IMMP1L: variants seen among roughly 807,000 people sequenced by gnomAD.
IMMP1L encodes the protein inner mitochondrial membrane peptidase subunit 1.
A neutral mutation model predicts 21.8 loss-of-function variants in IMMP1L; 24 were observed. That is an observed-to-expected ratio of 1.10 (90% CI 0.80 to 1.55). The LOEUF is 1.55. Ranked by LOEUF, IMMP1L falls within the 40% of genes most tolerant of loss-of-function variation. The pLI is 0.00. For synonymous variants in IMMP1L, 46 were observed against 62.8 expected, an observed-to-expected ratio of 0.73 and a Z score of 1.26; for missense variants, 195 against 200.7, an observed-to-expected ratio of 0.97 and a Z score of 0.17.
At position 31,453,032 on chromosome 11, in the gene IMMP1L, G is replaced by A. The variant is rs556202877; in HGVS notation, c.321+3228C>T. 1.4e-4 allele frequency: 181 copies of A among 1,279,040 alleles called. No individual in the cohort carries two copies. The African/African-American group carries it at 2.3e-3, about 16-fold the overall frequency. 79.2% of individuals were successfully genotyped at this position (1,279,040 alleles called of 1,614,324 possible). ...CTCTCAAAGTGCTGGGATTACAGGC[G>A]TGAGCCACCGCGGCCGGCCAGCAAC... is the stretch of plus-strand genomic sequence containing the variant. On this transcript the variant is annotated intron_variant, in intron 4 of 5. Transcript: ENST00000532287.
chr11:31,503,468 A>T (rs890768716), intron 1 of IMMP1L, among the ~76,000 whole-genome samples: 8 of 152,286 alleles, frequency 5.3e-5, no homozygotes, highest in Middle Eastern at 3.4e-3. Context: ...GCCAAATTTG[A>T]GTATTTTTAA....
At chr11:31,449,943 A>G (rs551410940) in intron 4 of IMMP1L, among the ~76,000 whole-genome samples, 1 of 152,330 alleles carries the variant, frequency 6.6e-6, no homozygotes, top group African/African-American at 2.4e-5. Flanking sequence ...ACCACAGAAT[A>G]CACTGAAATT....
chr11:31,500,117 A>G (rs1179520441), intron 1 of IMMP1L, among the ~76,000 whole-genome samples: 1 of 152,138 alleles, frequency 6.6e-6, no homozygotes, highest in African/African-American at 2.4e-5. Flanking sequence ...AAAGCAAAGT[A>G]CACCAATAAA....
chr11:31,446,846 C>G (rs1953540380), intron 4 of IMMP1L, among the ~76,000 whole-genome samples: 2 of 152,210 alleles, frequency 1.3e-5, no homozygotes, highest in African/African-American at 4.8e-5. Flanking sequence ...GTAATTTCAT[C>G]TATTCCTCCA....
At chr11:31,471,926 G>C (rs959161695) in intron 1 of IMMP1L, among the ~76,000 whole-genome samples, 4 of 152,166 alleles carry the variant, frequency 2.6e-5, no homozygotes, top group African/African-American at 9.7e-5. Flanking sequence ...GGCTTTAGGG[G>C]AGAATCCATT....
chr11:31,458,421 C>T (rs1417048676), intron 3 of IMMP1L, among the ~76,000 whole-genome samples: 1 of 152,022 alleles, frequency 6.6e-6, no homozygotes, highest in Non-Finnish European at 1.5e-5. Flanking sequence ...ATTAGGTGCT[C>T]ACTACTATTT....
intron 1 of IMMP1L, among the ~76,000 whole-genome samples, chr11:31,491,669 A>G (rs890543596): frequency 6.6e-5 from 10 of 152,248 alleles, no homozygotes; most frequent in African/African-American, 2.4e-4. Context: ...ACCTATCTAA[A>G]TTGTAAAAGA....
chr11:31,499,799 T>G (rs1485848178), intron 1 of IMMP1L, among the ~76,000 whole-genome samples: 3 of 151,988 alleles, frequency 2.0e-5, no homozygotes, highest in Non-Finnish European at 2.9e-5. Flanking sequence ...ACCTAAAATA[T>G]TTACCATCTG....
At chr11:31,493,858 T>C (rs1955336798) in intron 1 of IMMP1L, among the ~76,000 whole-genome samples, 1 of 152,186 alleles carries the variant, frequency 6.6e-6, no homozygotes, top group Non-Finnish European at 1.5e-5. Flanking sequence ...CAAAATGATC[T>C]CCTTTGACTC....
chr11:31,472,081 T>C (rs1228631595), intron 1 of IMMP1L, among the ~76,000 whole-genome samples: 1 of 152,168 alleles, frequency 6.6e-6, no homozygotes, highest in African/African-American at 2.4e-5. Context: ...TCCTTTTTAC[T>C]CTTTTAAGGA....
chr11:31,495,469 G>A (rs569688482), intron 1 of IMMP1L, among the ~76,000 whole-genome samples: 2 of 152,236 alleles, frequency 1.3e-5, no homozygotes, highest in South Asian at 4.1e-4. Context: ...ACAAAGAACT[G>A]CCTGAGACTG....
At chr11:31,486,449 GATCT>G (rs1479761541) in intron 1 of IMMP1L, among the ~76,000 whole-genome samples, 1 of 151,822 alleles carries the variant, frequency 6.6e-6, no homozygotes, top group African/African-American at 2.4e-5. Context: ...ACTATAACTA[GATCT>G]ATTTATATGT....
At position 31,456,876 on chromosome 11, in the gene IMMP1L, CAAAAAAAAAAAA is replaced by C. The variant is rs56849120; in HGVS notation, c.195-502_195-491del. Among the ~76,000 whole-genome samples, 28 of 17,968 alleles carry C rather than the reference CAAAAAAAAAAAA, an allele frequency of 1.6e-3. No individual in the cohort carries two copies. In the South Asian group the frequency reaches 0.078, roughly 50 times the overall value. The allele number at this position is 17,968 out of a possible 152,430, so 11.8% of individuals were successfully genotyped here. Reference sequence around the variant, plus strand: ...GGGCAACAGACTGAGACCATGTCTCCAAAAAAAAAAAAAAAAAAAAAAAAAAACCACACACAC... The same window carrying C: ...GGGCAACAGACTGAGACCATGTCTCCAAAAAAAAAAAAAAACCACACACAC... On this transcript the variant is annotated intron_variant, in intron 3 of 5. Transcript: ENST00000532287.
Position 31,460,699 on chromosome 11 carries a change from T to C in IMMP1L, c.121A>G (p.Met41Val), listed in dbSNP as rs370083551. ...TCTGAATTTTGAATTGTAGGCTCCATTGATGGTCCAGAACACTGAAAAGAG... is the reference window on the plus strand; with the variant it reads ...TCTGAATTTTGAATTGTAGGCTCCACTGATGGTCCAGAACACTGAAAAGAG... ...GGVVMCSGPS[M>V]EPTIQNSDIV... is the part of the protein sequence containing the mutation. Residue 41 changes from methionine (M) to valine (V), a missense_variant, in exon 3 of 6, where the codon ATG becomes GTG. Met to Val is a conservative substitution (Grantham distance 21). Transcript: ENST00000532287. 7.3e-5 allele frequency: 117 copies of C among 1,607,192 alleles called. No homozygotes were observed. The highest frequency in any genetic ancestry group is 1.7e-4 in the Middle Eastern group (1 of 6,058).
chr11:31,489,957 C>T (rs1955201408), intron 1 of IMMP1L, among the ~76,000 whole-genome samples: 2 of 152,106 alleles, frequency 1.3e-5, no homozygotes, highest in South Asian at 4.1e-4. Context: ...TAAGAACTTG[C>T]TAAATGTTTT....
chr11:31,502,834 T>TC (rs901139772), intron 1 of IMMP1L, among the ~76,000 whole-genome samples: 3 of 152,370 alleles, frequency 2.0e-5, no homozygotes, highest in Non-Finnish European at 1.5e-5. Context: ...AAATTTCTTT[T>TC]CTTTTTTTGC....
At chr11:31,489,999 G>A (rs1030975765) in intron 1 of IMMP1L, among the ~76,000 whole-genome samples, 5 of 152,036 alleles carry the variant, frequency 3.3e-5, no homozygotes, top group Admixed American at 6.6e-5. Flanking sequence ...CAAAAATTTC[G>A]AGGAAATCTA....
At chr11:31,480,186 G>A (rs1017310733) in intron 1 of IMMP1L, among the ~76,000 whole-genome samples, 1 of 152,026 alleles carries the variant, frequency 6.6e-6, no homozygotes, top group African/African-American at 2.4e-5. Flanking sequence ...TTTCTATGGT[G>A]TTATTGTAAT....
At chr11:31,480,246 T>A (rs982308458) in intron 1 of IMMP1L, among the ~76,000 whole-genome samples, 1 of 152,020 alleles carries the variant, frequency 6.6e-6, no homozygotes, top group Non-Finnish European at 1.5e-5. Flanking sequence ...CTACAGAGAT[T>A]TGAGACATTT....
Sources: gnomAD v4.1 joint callset for allele counts (sites outside exome capture counted in the v4.1 genomes callset) on GRCh38, gnomAD v4.1.1 for gene constraint, MANE v1.5 for transcripts, NCBI Gene and HGNC (gene_info 2026-07-23, HGNC 2026-07-21) for gene names.